Variants in SCFD2 observed in about 807,000 individuals in gnomAD.
SCFD2 encodes sec1 family domain-containing protein 2.
SCFD2 carries 54 observed loss-of-function variants against 58.9 expected under a neutral mutation model. The observed-to-expected ratio is 0.92, with a 90% CI of 0.74 to 1.15. The LOEUF is 1.15. SCFD2 is among the 50% of genes most tolerant of loss of function. SCFD2 has a pLI of 0.00. For synonymous variants in SCFD2, 321 were observed against 335.9 expected, an observed-to-expected ratio of 0.96 and a Z score of 0.49; for missense variants, 805 against 836.6, an observed-to-expected ratio of 0.96 and a Z score of 0.47.
intron 4 of SCFD2, among the ~76,000 whole-genome samples, chr4:53,255,627 C>T (rs1022844053): frequency 3.3e-5 from 5 of 152,208 alleles, no homozygotes; most frequent in African/African-American, 4.8e-5. Context: ...TACACAGACA[C>T]GGCAACCATC....
intron 5 of SCFD2, among the ~76,000 whole-genome samples, chr4:52,927,362 T>C (rs975946667): frequency 2.0e-5 from 3 of 152,198 alleles, no homozygotes; most frequent in Non-Finnish European, 4.4e-5. Flanking sequence ...AAACATTATT[T>C]ACCATGTAAG....
chr4:53,235,721 G>C (rs1182586752), intron 4 of SCFD2, among the ~76,000 whole-genome samples: 1 of 152,182 alleles, frequency 6.6e-6, no homozygotes, highest in East Asian at 1.9e-4. Flanking sequence ...AGTTACCTCA[G>C]CTCTAGTTTT....
intron 5 of SCFD2, among the ~76,000 whole-genome samples, chr4:53,135,749 A>G (rs1404568085): frequency 1.3e-5 from 2 of 152,120 alleles, no homozygotes; most frequent in Non-Finnish European, 2.9e-5. Flanking sequence ...TCAAAAAAAA[A>G]AAGAGGATCT....
At chr4:53,151,171 C>T (rs1265218006) in intron 4 of SCFD2, among the ~76,000 whole-genome samples, 1 of 152,288 alleles carries the variant, frequency 6.6e-6, no homozygotes, top group Non-Finnish European at 1.5e-5. Context: ...CATCTTGGAA[C>T]TTAACTACAA....
chr4:53,333,589 A>G (rs1476892763), intron 2 of SCFD2, among the ~76,000 whole-genome samples: 2 of 151,514 alleles, frequency 1.3e-5, no homozygotes, highest in Non-Finnish European at 2.9e-5. Context: ...TACCTTATAC[A>G]AAAATTAATT....
At chr4:53,224,595 C>G (rs1040042551) in intron 4 of SCFD2, among the ~76,000 whole-genome samples, 1 of 152,164 alleles carries the variant, frequency 6.6e-6, no homozygotes, top group South Asian at 2.1e-4. Context: ...GATCATCTCT[C>G]TACAAGCTGA....
chr4:53,069,249 C>T (rs890023078), intron 5 of SCFD2, among the ~76,000 whole-genome samples: 5 of 152,052 alleles, frequency 3.3e-5, no homozygotes, highest in African/African-American at 1.2e-4. Context: ...CAGTCATCTG[C>T]TAATCTCACA....
At chr4:53,185,536 G>T (rs1324529499) in intron 4 of SCFD2, among the ~76,000 whole-genome samples, 1 of 151,798 alleles carries the variant, frequency 6.6e-6, no homozygotes, top group African/African-American at 2.4e-5. Flanking sequence ...TCCCTGGCAG[G>T]GTCCTACCAG....
At chr4:52,895,606 A>G (rs554358995) in intron 7 of SCFD2, among the ~76,000 whole-genome samples, 1 of 152,254 alleles carries the variant, frequency 6.6e-6, no homozygotes, top group South Asian at 2.1e-4. Flanking sequence ...AGTCTTTGCT[A>G]TTGTGAATAG....
chr4:52,907,527 GA>G lies in SCFD2; in HGVS notation c.1771del (p.Ser591ProfsTer23). 6.2e-7 allele frequency: 1 copy of G among 1,613,888 alleles called. No individual in the cohort carries two copies. Among genetic ancestry groups the G allele is most frequent in the South Asian group, 1.1e-5 (1 of 91,060 alleles). ...TGAAGACATGTGTTCAATATCAACG[GA>G]ATCTGGCCTCTCGGGATGAAATATT... ...EEIFHPERPD[S>X]VDIEHMSSGL... On this transcript the variant is annotated frameshift_variant, in exon 7 of 9. Coordinates refer to ENST00000401642, the MANE Select transcript of SCFD2 (RefSeq NM_152540.4). LOFTEE classifies it high-confidence loss of function.
chr4:53,036,082 TAAG>T (rs961768906), intron 5 of SCFD2, among the ~76,000 whole-genome samples: 6 of 152,242 alleles, frequency 3.9e-5, no homozygotes, highest in Admixed American at 1.3e-4. Context: ...TATTATACTT[TAAG>T]TTCTAGGGTA....
intron 3 of SCFD2, among the ~76,000 whole-genome samples, chr4:53,307,569 TAC>T (rs1732555879): frequency 1.3e-5 from 2 of 152,118 alleles, no homozygotes; most frequent in African/African-American, 4.8e-5. Context: ...AAACTTAACA[TAC>T]AGAATTGTTA....
At chr4:53,352,490 C>A in intron 2 of SCFD2, 108 bp downstream of exon 2, 1 of 900,064 alleles carries the variant, frequency 1.1e-6, no homozygotes, top group Non-Finnish European at 1.6e-6. Context: ...GTGAAATTTT[C>A]AACCAGACCA....
intron 5 of SCFD2, among the ~76,000 whole-genome samples, chr4:53,033,949 C>T (rs1330812319): frequency 1.3e-5 from 2 of 152,142 alleles, no homozygotes; most frequent in East Asian, 3.9e-4. Context: ...GGGAATCCTC[C>T]CTAACTCATT....
intron 3 of SCFD2, among the ~76,000 whole-genome samples, chr4:53,286,068 T>C (rs1731656685): frequency 6.7e-6 from 1 of 149,534 alleles, no homozygotes; most frequent in African/African-American, 2.6e-5. Flanking sequence ...GGCTCTGCCA[T>C]TGTTGCACCA....
intron 5 of SCFD2, among the ~76,000 whole-genome samples, chr4:53,113,663 A>G (rs1725234624): frequency 1.3e-5 from 2 of 151,996 alleles, no homozygotes; most frequent in South Asian, 4.2e-4. Context: ...ACCTCCTCCT[A>G]CTAGAATGTA....
intron 5 of SCFD2, among the ~76,000 whole-genome samples, chr4:53,092,975 G>A (rs1303559346): frequency 1.3e-5 from 2 of 152,134 alleles, no homozygotes; most frequent in South Asian, 2.1e-4. Context: ...AGTGAGTCAC[G>A]TGGATATTCG....
At chr4:52,981,315 T>C (rs141900671) in intron 5 of SCFD2, among the ~76,000 whole-genome samples, 1 of 152,204 alleles carries the variant, frequency 6.6e-6, no homozygotes, top group Admixed American at 6.5e-5. Context: ...CTAAGAAAGA[T>C]GAAGTCTCCT....
At chr4:53,300,688 C>T (rs1461294010) in intron 3 of SCFD2, among the ~76,000 whole-genome samples, 1 of 152,190 alleles carries the variant, frequency 6.6e-6, no homozygotes, top group Non-Finnish European at 1.5e-5. Context: ...AAACTGACCA[C>T]ATATTTGGAA....
Sources: gnomAD v4.1 joint callset for allele counts (sites outside exome capture counted in the v4.1 genomes callset) on GRCh38, gnomAD v4.1.1 for gene constraint, MANE v1.5 for transcripts, NCBI Gene and HGNC (gene_info 2026-07-23, HGNC 2026-07-21) for gene names.